The following ELAVL4 variants were observed in gnomAD, a reference collection of about 807,000 sequenced individuals.
The protein encoded by ELAVL4 is ELAV-like protein 4.
In ELAVL4, 1 loss-of-function variant was observed where a neutral mutation model predicts 35.6. The ratio of observed to expected loss-of-function variants is 0.03; its 90% CI spans 0.01 to 0.13. ELAVL4 has a LOEUF of 0.13. Ranked by LOEUF, ELAVL4 falls within the 10% of genes least tolerant of loss-of-function variation. The pLI is 1.00. For synonymous variants in ELAVL4, 156 were observed against 171.0 expected (o/e 0.91, Z 0.69); for missense variants, 267 against 464.9 (o/e 0.57, Z 3.91).
intron 1 of ELAVL4, among the ~76,000 whole-genome samples, chr1:50,060,130 A>G (rs1663884102): frequency 6.6e-6 from 1 of 152,218 alleles, no homozygotes. Flanking sequence ...CAAATATTCC[A>G]CTGTGCTACA....
At chr1:50,138,966 CTATT>C (rs1672357841) in intron 1 of ELAVL4, among the ~76,000 whole-genome samples, 1 of 152,052 alleles carries the variant, frequency 6.6e-6, no homozygotes. Flanking sequence ...TACTTTAAAA[CTATT>C]TAGTTGGCAA....
Position 50,109,016 on chromosome 1 carries a change from C to T in ELAVL4, c.-174C>T. On this transcript the variant is annotated 5_prime_UTR_variant, in exon 1 of 7. Transcript: ENST00000371824. ...CTCCTTTTCTTTTTTTTCTTTCTCTCCCCCGCCCACCCCCCCAAAAATAAT... is the reference window on the plus strand; with the variant it reads ...CTCCTTTTCTTTTTTTTCTTTCTCTTCCCCGCCCACCCCCCCAAAAATAAT... 1.1e-6 allele frequency: 1 copy of T among 905,796 alleles called. No individual in the cohort carries two copies. The highest frequency in any genetic ancestry group is 1.3e-6 in the Non-Finnish European group (1 of 761,410). 56.1% of individuals were successfully genotyped at this position (905,796 alleles called of 1,614,324 possible).
chr1:50,103,035 A>C (rs1666072576), upstream of ELAVL4, among the ~76,000 whole-genome samples: 1 of 152,222 alleles, frequency 6.6e-6, no homozygotes, highest in South Asian at 2.1e-4. Context: ...TTGAAAAAGT[A>C]AGCATACACT....
At chr1:50,154,832 T>A (rs1675436248) in intron 2 of ELAVL4, among the ~76,000 whole-genome samples, 1 of 151,592 alleles carries the variant, frequency 6.6e-6, no homozygotes, top group South Asian at 2.1e-4. Flanking sequence ...ACATGTCACT[T>A]TGATCCAAAA....
chr1:50,131,143 T>C (rs879710303), intron 1 of ELAVL4, among the ~76,000 whole-genome samples: 1 of 152,160 alleles, frequency 6.6e-6, no homozygotes, highest in Non-Finnish European at 1.5e-5. Flanking sequence ...ATTTGATAAA[T>C]ATACATGATA....
At chr1:50,133,628 AAAGAAAGAAAG>A (rs1189991494) in intron 1 of ELAVL4, among the ~76,000 whole-genome samples, 3 of 150,720 alleles carry the variant, frequency 2.0e-5, no homozygotes, top group African/African-American at 7.3e-5. Context: ...AGAAAGAAAG[AAAGAAAGAAAG>A]AAAGAAAGAA....
At chr1:50,064,963 G>T (rs1664188466) in intron 1 of ELAVL4, among the ~76,000 whole-genome samples, 1 of 152,108 alleles carries the variant, frequency 6.6e-6, no homozygotes. Flanking sequence ...TGTGCCTAGA[G>T]ACATAGGGGA....
chr1:50,104,071 AT>A, upstream of ELAVL4: 1 of 1,576,708 alleles, frequency 6.3e-7, no homozygotes, highest in Non-Finnish European at 8.7e-7. Flanking sequence ...GATTGGCTGG[AT>A]TTGCCTTAGG....
intron 2 of ELAVL4, among the ~76,000 whole-genome samples, chr1:50,164,978 C>G (rs1677484521): frequency 6.6e-6 from 1 of 152,150 alleles, no homozygotes; most frequent in Non-Finnish European, 1.5e-5. Context: ...ATGTTGCTCC[C>G]AGTCTAGCGG....
At chr1:50,156,237 A>T (rs1021154535) in intron 2 of ELAVL4, among the ~76,000 whole-genome samples, 3 of 152,216 alleles carry the variant, frequency 2.0e-5, no homozygotes, top group Non-Finnish European at 4.4e-5. Flanking sequence ...TTGAAACCTT[A>T]TGTAAGTCAT....
chr1:50,103,678 T>C (rs1389590684), upstream of ELAVL4, among the ~76,000 whole-genome samples: 1 of 152,198 alleles, frequency 6.6e-6, no homozygotes, highest in Admixed American at 6.5e-5. Context: ...TGGTGTGCTA[T>C]AATCATATTA....
chr1:50,174,488 G>GTTTTTTTTT (rs140545221), intron 2 of ELAVL4: 1 of 138,642 alleles, frequency 7.2e-6, no homozygotes, highest in Non-Finnish European at 1.6e-5. Flanking sequence ...TTTTTTGTTT[G>GTTTTTTTTT]TTTTTTTTTT....
chr1:50,059,008 A>C (rs1440718454), intron 1 of ELAVL4, among the ~76,000 whole-genome samples: 3 of 152,182 alleles, frequency 2.0e-5, no homozygotes, highest in African/African-American at 7.2e-5. Context: ...TATTGAATCT[A>C]GAAATTATCC....
chr1:50,115,834 C>T (rs1458373947), intron 1 of ELAVL4, among the ~76,000 whole-genome samples: 3 of 152,040 alleles, frequency 2.0e-5, no homozygotes, highest in East Asian at 1.9e-4. Flanking sequence ...TTCTTTGGAA[C>T]GTGGAATCCA....
At chr1:50,133,639 G>GAAAGAA (rs1321043008) in intron 1 of ELAVL4, among the ~76,000 whole-genome samples, 1 of 147,436 alleles carries the variant, frequency 6.8e-6, no homozygotes, top group African/African-American at 2.6e-5. Flanking sequence ...AAGAAAGAAA[G>GAAAGAA]AAAGAAAGAA....
At chr1:50,083,859 G>T (rs1415543469) in intron 1 of ELAVL4, among the ~76,000 whole-genome samples, 1 of 152,160 alleles carries the variant, frequency 6.6e-6, no homozygotes, top group East Asian at 1.9e-4. Context: ...TGGCATTGTT[G>T]ACACTCCTGA....
chr1:50,108,898 G>A (rs1041894576), upstream of ELAVL4: 52 of 1,074,508 alleles, frequency 4.8e-5, no homozygotes, highest in Non-Finnish European at 5.7e-5. Context: ...TCCCATAAAT[G>A]GATGTAAAAA....
At chr1:50,052,045 C>A (rs1028749896) in intron 1 of ELAVL4, among the ~76,000 whole-genome samples, 1 of 152,116 alleles carries the variant, frequency 6.6e-6, no homozygotes. Context: ...CCTCCTTTTA[C>A]CTTAATTACT....
intron 1 of ELAVL4, among the ~76,000 whole-genome samples, chr1:50,053,487 T>A (rs1663499377): frequency 6.6e-6 from 1 of 152,196 alleles, no homozygotes; most frequent in South Asian, 2.1e-4. Context: ...TAGCTGGAAC[T>A]ACAGGTTCAC....
Sources: gnomAD v4.1 joint callset for allele counts (sites outside exome capture counted in the v4.1 genomes callset) on GRCh38, gnomAD v4.1.1 for gene constraint, MANE v1.5 for transcripts, NCBI Gene and HGNC (gene_info 2026-07-23, HGNC 2026-07-21) for gene names.